Variants in RBFOX1 observed in about 807,000 individuals in gnomAD.
RBFOX1 encodes the protein RNA binding fox-1 homolog 1.
RBFOX1 carries 8 observed loss-of-function variants against 57.7 expected under a neutral mutation model. That is an observed-to-expected ratio of 0.14 (90% CI 0.08 to 0.25). The LOEUF is 0.25. Ranked by LOEUF, RBFOX1 falls within the 10% of genes least tolerant of loss-of-function variation. The pLI is 1.00. For missense variants in RBFOX1, 611 were observed against 548.5 expected (o/e 1.11, Z -1.14); for synonymous variants, 326 against 222.4 (o/e 1.47, Z -4.15).
intron 2 of RBFOX1, among the ~76,000 whole-genome samples, chr16:6,563,584 C>A (rs1359629702): frequency 1.3e-5 from 2 of 152,124 alleles, no homozygotes; most frequent in African/African-American, 2.4e-5. Context: ...TGGCTCACGC[C>A]TGTACTTCCA....
At chr16:7,628,266 C>G (rs1244367264) in intron 10 of RBFOX1, among the ~76,000 whole-genome samples, 3 of 152,080 alleles carry the variant, frequency 2.0e-5, no homozygotes, top group African/African-American at 7.2e-5. Flanking sequence ...GAGGAGCATT[C>G]CCTAAATCCA....
At chr16:5,352,808 T>G (rs1295876296) in intron 1 of RBFOX1, among the ~76,000 whole-genome samples, 1 of 151,908 alleles carries the variant, frequency 6.6e-6, no homozygotes, top group African/African-American at 2.4e-5. Flanking sequence ...CCAGGCATGG[T>G]GGCATGCACC....
intron 3 of RBFOX1, among the ~76,000 whole-genome samples, chr16:6,698,152 A>G: frequency 6.6e-6 from 1 of 152,180 alleles, no homozygotes; most frequent in African/African-American, 2.4e-5. Context: ...CCAGAAATCC[A>G]CTTATATTTC....
chr16:5,380,486 G>T (rs1171975560), intron 1 of RBFOX1, among the ~76,000 whole-genome samples: 2 of 152,186 alleles, frequency 1.3e-5, no homozygotes, highest in Non-Finnish European at 2.9e-5. Flanking sequence ...TACTTGTTGG[G>T]TACCTGTATA....
chr16:7,558,069 T>C (rs955805839), intron 5 of RBFOX1, among the ~76,000 whole-genome samples: 1 of 152,096 alleles, frequency 6.6e-6, no homozygotes, highest in African/African-American at 2.4e-5. Flanking sequence ...ATATACTTTA[T>C]TGAGGCCAGG....
chr16:5,592,155 A>C (rs972767357), intron 2 of RBFOX1, among the ~76,000 whole-genome samples: 6 of 145,656 alleles, frequency 4.1e-5, no homozygotes, highest in African/African-American at 1.6e-4. Context: ...TTGTCTGTAC[A>C]TTTCCTTTGC....
At chr16:6,643,563 G>A (rs1481693628) in intron 2 of RBFOX1, among the ~76,000 whole-genome samples, 1 of 152,016 alleles carries the variant, frequency 6.6e-6, no homozygotes, top group Non-Finnish European at 1.5e-5. Flanking sequence ...GAACACCCTC[G>A]TTATCTTTAA....
At chr16:7,509,453 G>A (rs774078395) in intron 4 of RBFOX1, among the ~76,000 whole-genome samples, 12 of 146,510 alleles carry the variant, frequency 8.2e-5, no homozygotes, top group Non-Finnish European at 1.6e-4. Flanking sequence ...TCTGTGTGTG[G>A]TTTTTGGTGA....
intron 3 of RBFOX1, among the ~76,000 whole-genome samples, chr16:6,769,352 G>A (rs577079256): frequency 9.2e-5 from 14 of 152,150 alleles, no homozygotes; most frequent in African/African-American, 1.2e-4. Context: ...TCTTTCTCCC[G>A]TAAGTTGCCT....
At position 6,564,946 on chromosome 16, in the gene RBFOX1, G is replaced by C. The variant is rs188863744; in HGVS notation, c.-63-89657G>C. On this transcript the variant is annotated intron_variant, in intron 2 of 15. Coordinates refer to ENST00000550418, the MANE Select transcript of RBFOX1 (RefSeq NM_018723.4). ...ACTTGAGGTCAGGAGTTGGAGATCAGCTTGGCCAACATGGTGAAACCCCAT... is the reference window on the plus strand; with the variant it reads ...ACTTGAGGTCAGGAGTTGGAGATCACCTTGGCCAACATGGTGAAACCCCAT... Among the ~76,000 whole-genome samples, 103 of 152,110 alleles carry C rather than the reference G, an allele frequency of 6.8e-4. 1 individual carries two copies. Among genetic ancestry groups the C allele is most frequent in the Admixed American group, 3.8e-3 (58 of 15,282 alleles).
At chr16:5,404,029 A>G (rs2066793283) in intron 1 of RBFOX1, among the ~76,000 whole-genome samples, 1 of 129,588 alleles carries the variant, frequency 7.7e-6, no homozygotes, top group Non-Finnish European at 1.6e-5. Context: ...GGTTTGGTGC[A>G]GAGGACAGAA....
chr16:6,428,619 C>G (rs1463836584), intron 2 of RBFOX1, among the ~76,000 whole-genome samples: 2 of 152,248 alleles, frequency 1.3e-5, no homozygotes, highest in African/African-American at 2.4e-5. Context: ...TTAACACACA[C>G]TGGATAATAA....
intron 5 of RBFOX1, among the ~76,000 whole-genome samples, chr16:7,549,905 C>T (rs1296858292): frequency 6.6e-6 from 1 of 151,962 alleles, no homozygotes; most frequent in African/African-American, 2.4e-5. Flanking sequence ...CAATATTAAC[C>T]ATCATCATAT....
At chr16:5,500,119 TC>T (rs369519719) in intron 2 of RBFOX1, among the ~76,000 whole-genome samples, 1 of 61,376 alleles carries the variant, frequency 1.6e-5, no homozygotes, top group Non-Finnish European at 2.9e-5. Context: ...CTCCCTTCCC[TC>T]CTTCCCTCCT....
At chr16:5,611,843 A>C (rs2047825022) in intron 3 of RBFOX1, among the ~76,000 whole-genome samples, 1 of 119,080 alleles carries the variant, frequency 8.4e-6, no homozygotes, top group African/African-American at 3.2e-5. Context: ...CCCGTCACTC[A>C]GCTACTGTGT....
intron 3 of RBFOX1, among the ~76,000 whole-genome samples, chr16:6,982,702 T>C (rs1219975480): frequency 2.6e-5 from 4 of 152,168 alleles, no homozygotes; most frequent in Admixed American, 1.3e-4. Flanking sequence ...TTTTGAAAGA[T>C]GTGGAACTGG....
intron 2 of RBFOX1, among the ~76,000 whole-genome samples, chr16:6,462,717 C>G (rs1325891888): frequency 6.7e-6 from 1 of 150,250 alleles, no homozygotes; most frequent in East Asian, 2.0e-4. Flanking sequence ...CCCCCACACA[C>G]AAAATTGGAG....
At chr16:5,927,749 T>C (rs1220828733) in intron 4 of RBFOX1, among the ~76,000 whole-genome samples, 1 of 152,250 alleles carries the variant, frequency 6.6e-6, no homozygotes, top group Non-Finnish European at 1.5e-5. Flanking sequence ...ATATACATGA[T>C]GGAATACTAT....
chr16:6,421,378 C>T (rs534008334), intron 2 of RBFOX1, among the ~76,000 whole-genome samples: 5 of 152,242 alleles, frequency 3.3e-5, no homozygotes, highest in Admixed American at 2.0e-4. Context: ...ATTATGTGAA[C>T]GTAAAAACGT....
Sources: allele counts gnomAD v4.1 joint callset (sites outside exome capture counted in the v4.1 genomes callset), GRCh38; gene constraint gnomAD v4.1.1; transcripts MANE v1.5; gene names NCBI Gene and HGNC (gene_info 2026-07-23, HGNC 2026-07-21).